Variants in IGFL2 observed in about 807,000 individuals in gnomAD.
The protein encoded by IGFL2 is insulin growth factor-like family member 2.
In IGFL2, 7 loss-of-function variants were observed where a neutral mutation model predicts 13.9. The ratio of observed to expected loss-of-function variants is 0.51; its 90% CI spans 0.29 to 0.95. The LOEUF (loss-of-function observed/expected upper bound fraction) is 0.95. Among genes scored for constraint, IGFL2 ranks in the 40% least tolerant of loss-of-function variants. The pLI is 0.08. For missense variants in IGFL2, 138 were observed against 147.8 expected (o/e 0.93, Z 0.34); for synonymous variants, 55 against 55.8 (o/e 0.99, Z 0.07).
chr19:46,164,323 C>G (rs990026759), downstream of IGFL2: 3 of 152,172 alleles, frequency 2.0e-5, no homozygotes, highest in African/African-American at 7.2e-5. Flanking sequence ...GAAGTCTGAC[C>G]ACCTTTTGGT....
At chr19:46,091,270 C>T in the IGFL2 span, among the ~76,000 whole-genome samples, 2 of 152,070 alleles carry the variant, frequency 1.3e-5, no homozygotes, top group Admixed American at 6.5e-5. Flanking sequence ...GGAAGGATTC[C>T]ACTGAGAAGT....
downstream of IGFL2, among the ~76,000 whole-genome samples, chr19:46,161,971 T>C (rs1257063568): frequency 6.6e-6 from 1 of 152,244 alleles, no homozygotes; most frequent in Non-Finnish European, 1.5e-5. Context: ...TCCTTCTATA[T>C]TTAGTGCTCC....
At chr19:46,195,550 C>T in the IGFL2 span, among the ~76,000 whole-genome samples, 3 of 152,052 alleles carry the variant, frequency 2.0e-5, no homozygotes, top group African/African-American at 7.2e-5. Flanking sequence ...CTTATATACA[C>T]GCAAAGACAG....
chr19:46,200,331 C>A, the IGFL2 span, among the ~76,000 whole-genome samples: 5 of 151,846 alleles, frequency 3.3e-5, 2 homozygotes, highest in Admixed American at 3.3e-4. Flanking sequence ...TTATGCCCGG[C>A]TAATTCTAAT....
the IGFL2 span, among the ~76,000 whole-genome samples, chr19:46,200,509 C>CTTT: frequency 1.7e-3 from 63 of 37,176 alleles, 1 homozygote; most frequent in African/African-American, 2.1e-3. Context: ...CTTTTCTTTT[C>CTTT]TCTTTTCTTT....
the IGFL2 span, among the ~76,000 whole-genome samples, chr19:46,188,118 T>C: frequency 2.0e-5 from 3 of 152,198 alleles, no homozygotes; most frequent in Non-Finnish European, 1.5e-5. Context: ...ATGGGGTTAA[T>C]GCTTTCTTGA....
the IGFL2 span, among the ~76,000 whole-genome samples, chr19:46,099,401 T>A: frequency 2.0e-5 from 3 of 152,190 alleles, no homozygotes; most frequent in Admixed American, 6.5e-5. Context: ...TTCTGGATGA[T>A]AGCCTGAAGT....
chr19:46,172,464 AG>A, the IGFL2 span, among the ~76,000 whole-genome samples: 1 of 152,188 alleles, frequency 6.6e-6, no homozygotes, highest in Non-Finnish European at 1.5e-5. Context: ...CTGAGAGCAT[AG>A]GGATTATGGA....
At chr19:46,080,024 A>G in the IGFL2 span, among the ~76,000 whole-genome samples, 192 of 152,338 alleles carry the variant, frequency 1.3e-3, 1 homozygote, top group East Asian at 0.034. Context: ...AGAGGGCCAC[A>G]TCCCTTCCTC....
downstream of IGFL2, among the ~76,000 whole-genome samples, chr19:46,165,291 A>G (rs540926006): frequency 6.6e-5 from 10 of 152,244 alleles, no homozygotes; most frequent in Non-Finnish European, 1.5e-4. Context: ...GGTCCCAACT[A>G]TGGAAGGGTG....
At chr19:46,144,425 A>G (rs1973010276), upstream of IGFL2, among the ~76,000 whole-genome samples, 1 of 152,044 alleles carries the variant, frequency 6.6e-6, no homozygotes, top group South Asian at 2.1e-4. Context: ...TATTTTTTCC[A>G]TGGCATACAT....
chr19:46,158,498 C>T (rs553601727), intron 1 of IGFL2, among the ~76,000 whole-genome samples: 6 of 148,120 alleles, frequency 4.1e-5, no homozygotes, highest in Admixed American at 6.8e-5. Context: ...TGTGAGCCAC[C>T]ACGCCCGGCC....
upstream of IGFL2, among the ~76,000 whole-genome samples, chr19:46,145,634 G>GTGTATT (rs1420653507): frequency 6.8e-6 from 1 of 147,656 alleles, no homozygotes; most frequent in East Asian, 2.0e-4. Flanking sequence ...GTGTGTGTGT[G>GTGTATT]TATTTATTTA....
At chr19:46,177,494 T>C in the IGFL2 span, among the ~76,000 whole-genome samples, 2 of 152,100 alleles carry the variant, frequency 1.3e-5, no homozygotes, top group African/African-American at 4.8e-5. Context: ...ACGCATTATA[T>C]ATAAAATACT....
the IGFL2 span, among the ~76,000 whole-genome samples, chr19:46,183,537 CTTT>C: frequency 2.2e-5 from 3 of 137,700 alleles, no homozygotes; most frequent in Admixed American, 7.3e-5. Flanking sequence ...TTTCTGCAGA[CTTT>C]TTTTTTTTTT....
the IGFL2 span, chr19:46,208,566 C>A: frequency 2.6e-5 from 4 of 152,196 alleles, no homozygotes; most frequent in African/African-American, 4.8e-5. Context: ...TTGGCTCTGT[C>A]TTGCCACACA....
At chr19:46,155,855 G>T (rs73048059) in intron 1 of IGFL2, among the ~76,000 whole-genome samples, 1 of 151,966 alleles carries the variant, frequency 6.6e-6, no homozygotes, top group Non-Finnish European at 1.5e-5. Flanking sequence ...TTTATCTTTC[G>T]CAATACCACG....
At chr19:46,104,735 G>C in the IGFL2 span, among the ~76,000 whole-genome samples, 27 of 152,300 alleles carry the variant, frequency 1.8e-4, no homozygotes, top group East Asian at 5.0e-3. Flanking sequence ...ATAGCAGATG[G>C]AACACTAAGA....
the IGFL2 span, among the ~76,000 whole-genome samples, chr19:46,171,748 T>TG: frequency 8.3e-4 from 126 of 152,286 alleles, 2 homozygotes; most frequent in Middle Eastern, 0.017. Flanking sequence ...ACTCCCTTCT[T>TG]GAACTCCCCA....
Sources: allele counts gnomAD v4.1 joint callset (sites outside exome capture counted in the v4.1 genomes callset), GRCh38; gene constraint gnomAD v4.1.1; transcripts MANE v1.5; gene names NCBI Gene and HGNC (gene_info 2026-07-23, HGNC 2026-07-21).